BCO2: variants seen among roughly 807,000 people sequenced by gnomAD.
The protein encoded by BCO2 is carotenoid-cleaving dioxygenase, mitochondrial.
In BCO2, 56 loss-of-function variants were observed where a neutral mutation model predicts 65.8. The observed-to-expected ratio is 0.85, with a 90% CI of 0.69 to 1.06. The LOEUF (loss-of-function observed/expected upper bound fraction) is 1.06. Among genes scored for constraint, BCO2 ranks in the 50% least tolerant of loss-of-function variants. The pLI is 0.00. For synonymous variants in BCO2, 233 were observed against 242.3 expected (o/e 0.96, Z 0.36); for missense variants, 675 against 698.5 (o/e 0.97, Z 0.38).
rs1344339729 is a variant in BCO2 at position 112,194,691 on chromosome 11, T to A, written c.672T>A (p.Thr224=). 1 of 1,613,512 alleles carries A rather than the reference T, an allele frequency of 6.2e-7. No individual in the cohort carries two copies. The highest frequency in any genetic ancestry group is 8.5e-7 in the Non-Finnish European group (1 of 1,179,642). ...WSKFIAVNGA[T]AHPHYDLDGT... The stretch of plus-strand genomic sequence containing the variant: ...AATTTATTGCTGTGAATGGAGCAAC[T>A]GCACATCCTCATTATGACCTGGATG... The change falls in exon 5 of 12, where the codon ACT becomes ACA. Residue 224 remains threonine (T), a synonymous_variant. Coordinates refer to ENST00000357685, the MANE Select transcript of BCO2 (RefSeq NM_031938.7).
chr11:112,185,807 A>C (rs1258105364), intron 2 of BCO2, among the ~76,000 whole-genome samples: 2 of 152,200 alleles, frequency 1.3e-5, no homozygotes, highest in African/African-American at 2.4e-5. Context: ...AACCACTTTT[A>C]TATATAGAAT....
At chr11:112,200,549 T>C in intron 6 of BCO2, 64 bp from the exon 7 acceptor site, 1 of 1,462,038 alleles carries the variant, frequency 6.8e-7, no homozygotes, top group Non-Finnish European at 9.3e-7. Context: ...TCCCCATAAC[T>C]GGCACATTTC....
At chr11:112,182,727 T>C (rs1867088834) in intron 2 of BCO2, 3 of 490,034 alleles carry the variant, frequency 6.1e-6, no homozygotes, top group Admixed American at 7.4e-5. Flanking sequence ...CACGGAGGGA[T>C]AGAATTAGGA....
At chr11:112,196,760 A>G (rs2135374491) in intron 5 of BCO2, among the ~76,000 whole-genome samples, 1 of 152,246 alleles carries the variant, frequency 6.6e-6, no homozygotes, top group African/African-American at 2.4e-5. Context: ...TTAACTTGTC[A>G]AAAACCAGAC....
intron 1 of BCO2, 92 bp downstream of exon 1, chr11:112,175,781 G>A: frequency 9.0e-7 from 1 of 1,110,796 alleles, no homozygotes; most frequent in Non-Finnish European, 1.4e-6. Flanking sequence ...GTTGCTGGGA[G>A]CTTCTGAAGC....
intron 2 of BCO2, among the ~76,000 whole-genome samples, chr11:112,180,451 G>A (rs1867005326): frequency 6.6e-6 from 1 of 152,122 alleles, no homozygotes; most frequent in East Asian, 1.9e-4. Context: ...ATTTGATGAG[G>A]GTAGAGACTT....
At position 112,218,619 on chromosome 11, in the gene BCO2, C is replaced by T. The variant is rs1019700878; in HGVS notation, c.*745C>T. ...GCCTCTGTAAAACTGAGAGGGAAACCCCCGAAAAGTGGTTGGCTGCAGTTG... is the reference window on the plus strand; with the variant it reads ...GCCTCTGTAAAACTGAGAGGGAAACTCCCGAAAAGTGGTTGGCTGCAGTTG... On this transcript the variant is annotated 3_prime_UTR_variant, in exon 12 of 12. Coordinates refer to ENST00000357685, the MANE Select transcript of BCO2 (RefSeq NM_031938.7). The T allele has an allele frequency of 9.2e-6, 2 of 216,510 alleles. No individual in the cohort carries two copies. The highest frequency in any genetic ancestry group is 8.2e-5 in the Admixed American group (2 of 24,256). The allele number at this position is 216,510 out of a possible 1,614,324, so 13.4% of individuals were successfully genotyped here.
rs938088994 is a variant in BCO2, at chr11:112,179,220, G to A, written c.89-58G>A. The A allele has an allele frequency of 7.3e-6, 11 of 1,509,260 alleles. No individual in the cohort carries two copies. The Admixed American group carries it at 1.9e-4, about 25-fold the overall frequency. The allele number at this position is 1,509,260 out of a possible 1,614,324, so 93.5% of individuals were successfully genotyped here. A position where few individuals can be genotyped will look rare whatever the true frequency, so the allele number is the denominator to read the frequency against. On this transcript the variant is annotated intron_variant, in intron 1 of 11. Coordinates refer to ENST00000357685, the MANE Select transcript of BCO2 (RefSeq NM_031938.7). ...TAAGATTATTGTCTGTGGGAAACAG[G>A]CAAGTTTATAGAAGATTTGGTAAAA...
At chr11:112,209,699 A>G (rs1038752884) in intron 8 of BCO2, among the ~76,000 whole-genome samples, 4 of 152,128 alleles carry the variant, frequency 2.6e-5, no homozygotes, top group African/African-American at 9.7e-5. Flanking sequence ...TTTATCCTTT[A>G]TTCTGTGAAC....
chr11:112,187,532 T>C (rs1283685675), intron 2 of BCO2, among the ~76,000 whole-genome samples: 3 of 150,836 alleles, frequency 2.0e-5, no homozygotes, highest in South Asian at 2.1e-4. Flanking sequence ...GACCCTTTCC[T>C]GAAGCCTCCT....
At chr11:112,181,427 C>T (rs1302247855) in intron 2 of BCO2, 40 of 613,280 alleles carry the variant, frequency 6.5e-5, no homozygotes, top group Admixed American at 2.3e-4. Flanking sequence ...GTGATCCGCC[C>T]GCCTCGGCCT....
chr11:112,216,059 C>T, intron 10 of BCO2, 161 bp from the exon 11 acceptor site: 2 of 611,668 alleles, frequency 3.3e-6, no homozygotes, highest in Admixed American at 2.7e-5. Flanking sequence ...TCCCACTAGG[C>T]CCCACCTTCA....
rs925440444 is a variant in BCO2 at position 112,218,129 on chromosome 11, G to T, written c.*255G>T. 5.3e-5 allele frequency: 17 copies of T among 322,796 alleles called. No individual in the cohort carries two copies. The highest frequency in any genetic ancestry group is 7.5e-5 in the South Asian group (1 of 13,416). The allele number at this position is 322,796 out of a possible 1,614,324, so 20.0% of individuals were successfully genotyped here. Reference sequence around the variant, plus strand: ...CCAGAATCTAAAATAAAAATAAAAAGAAAAACAAAGAATGTACTCTATACA... The same window carrying T: ...CCAGAATCTAAAATAAAAATAAAAATAAAAACAAAGAATGTACTCTATACA... On this transcript the variant is annotated 3_prime_UTR_variant, in exon 12 of 12. Transcript: ENST00000357685.
intron 7 of BCO2, 137 bp from the exon 8 acceptor site, chr11:112,201,886 T>C: frequency 4.5e-6 from 3 of 659,958 alleles, no homozygotes; most frequent in Non-Finnish European, 7.4e-6. Context: ...CTTTTATATA[T>C]ACTGGACCTG....
chr11:112,213,596 T>A, intron 8 of BCO2, 128 bp from the exon 9 acceptor site: 1 of 1,042,376 alleles, frequency 9.6e-7, no homozygotes, highest in African/African-American at 1.6e-5. Flanking sequence ...ATTAAGTAGA[T>A]GAATGAATGG....
In BCO2 at chr11:112,201,945, G is replaced by T. The variant is rs190155712; in HGVS notation, c.1027-78G>T. 3.9e-6 allele frequency: 5 copies of T among 1,283,084 alleles called. No individual in the cohort carries two copies. The East Asian group carries it at 9.9e-5, about 25-fold the overall frequency. The allele number at this position is 1,283,084 out of a possible 1,614,324, so 79.5% of individuals were successfully genotyped here. A position where few individuals can be genotyped will look rare whatever the true frequency, so the allele number is the denominator to read the frequency against. ...CTAATTTTCTTATTTTGAACTTTTT[G>T]GACCTGTTTCCTAAAGGAAAGGGAA... On this transcript the variant is annotated intron_variant, in intron 7 of 11. Transcript: ENST00000357685.
At chr11:112,217,052 C>T (rs1175875313) in intron 11 of BCO2, among the ~76,000 whole-genome samples, 1 of 152,152 alleles carries the variant, frequency 6.6e-6, no homozygotes, top group Non-Finnish European at 1.5e-5. Context: ...GCAATGCTGG[C>T]CTTTAAACAG....
Position 112,202,142 on chromosome 11 carries a change from A to C in BCO2, c.1146A>C (p.Glu382Asp). 1 of 1,614,080 alleles carries C rather than the reference A, an allele frequency of 6.2e-7. No individual in the cohort carries two copies. The part of the protein sequence containing the change: ...LCCQDNGRTL[E>D]VYQLQNLRKA... The stretch of plus-strand genomic sequence containing the variant: ...GTCAAGATAATGGAAGAACCCTAGA[A>C]GTTTACCAGTTACAGAATCTCAGGA... The change falls in exon 8 of 12, where the codon GAA becomes GAC. Residue 382 changes from glutamate (E) to aspartate (D), a missense_variant. Coordinates refer to ENST00000357685, the MANE Select transcript of BCO2 (RefSeq NM_031938.7).
At chr11:112,182,148 G>A (rs1566767535) in intron 2 of BCO2, among the ~76,000 whole-genome samples, 4 of 152,146 alleles carry the variant, frequency 2.6e-5, no homozygotes, top group Non-Finnish European at 1.5e-5. Context: ...AAACCACAAT[G>A]AGATACCATC....
Sources: gnomAD v4.1 joint callset for allele counts (sites outside exome capture counted in the v4.1 genomes callset) on GRCh38, gnomAD v4.1.1 for gene constraint, MANE v1.5 for transcripts, NCBI Gene and HGNC (gene_info 2026-07-23, HGNC 2026-07-21) for gene names.